The following TANC2 variants were observed in gnomAD, a reference collection of about 807,000 sequenced individuals.
TANC2 encodes the protein tetratricopeptide repeat, ankyrin repeat and coiled-coil containing 2, also known as protein TANC2.
A neutral mutation model predicts 210.5 loss-of-function variants in TANC2; 26 were observed. That is an observed-to-expected ratio of 0.12 (90% CI 0.09 to 0.17). TANC2 has a LOEUF of 0.17. Ranked by LOEUF, TANC2 falls within the 10% of genes least tolerant of loss-of-function variation. The pLI is 1.00. For missense variants in TANC2, 2,129 were observed against 2,608.9 expected, an observed-to-expected ratio of 0.82 and a Z score of 4.01; for synonymous variants, 931 against 967.1, an observed-to-expected ratio of 0.96 and a Z score of 0.69.
chr17:63,388,702 A>C, exon 16 of TANC2: 2 of 1,602,362 alleles, frequency 1.2e-6, no homozygotes, highest in Non-Finnish European at 1.7e-6. Flanking sequence ...TATAGCACAG[A>C]AGGTCTTTCC....
At chr17:63,128,986 T>C (rs1162483107) in intron 4 of TANC2, among the ~76,000 whole-genome samples, 1 of 152,140 alleles carries the variant, frequency 6.6e-6, no homozygotes, top group Non-Finnish European at 1.5e-5. Context: ...GGACGGTTTA[T>C]AGAAGTAGTT....
At chr17:63,336,809 C>A (rs552184636) in intron 11 of TANC2, among the ~76,000 whole-genome samples, 161 of 152,246 alleles carry the variant, frequency 1.1e-3, no homozygotes, top group South Asian at 3.3e-3. Context: ...CTTTGAAAGA[C>A]AAGAATTCGC....
At chr17:63,049,801 G>GTGGC (rs2035513503) in intron 2 of TANC2, among the ~76,000 whole-genome samples, 2 of 152,166 alleles carry the variant, frequency 1.3e-5, no homozygotes, top group South Asian at 4.1e-4. Flanking sequence ...AGTCATGAGG[G>GTGGC]TGGCTGGGAC....
chr17:63,065,987 C>T (rs993674846), intron 2 of TANC2, among the ~76,000 whole-genome samples: 18 of 152,254 alleles, frequency 1.2e-4, no homozygotes, highest in African/African-American at 3.9e-4. Flanking sequence ...TCATGGCTCA[C>T]TGCAGTCTTG....
chr17:63,362,005 G>C (rs768231206), intron 14 of TANC2, among the ~76,000 whole-genome samples: 13 of 152,198 alleles, frequency 8.5e-5, no homozygotes, highest in Non-Finnish European at 1.6e-4. Flanking sequence ...GGAATGGGTA[G>C]CTTCTATCTA....
Position 63,237,800 on chromosome 17 carries a change from T to C in TANC2, c.770-14T>C. 1 of 1,529,538 alleles carries C rather than the reference T, an allele frequency of 6.5e-7. No individual in the cohort carries two copies. The highest frequency in any genetic ancestry group is 8.8e-7 in the Non-Finnish European group (1 of 1,138,524). The allele number at this position is 1,529,538 out of a possible 1,614,324, so 94.7% of individuals were successfully genotyped here. A position where few individuals can be genotyped will look rare whatever the true frequency, so the allele number is the denominator to read the frequency against. ...TGTGGCTTTATTAAATTCATTTTAC[T>C]CTTTTTTTTTCAGCTACATTAACAA... On this transcript the variant is annotated splice_polypyrimidine_tract_variant and intron_variant, in intron 7 of 27. Coordinates refer to ENST00000689528, the Ensembl canonical transcript of TANC2.
chr17:63,073,865 T>C, intron 2 of TANC2, 78 bp from the exon 3 acceptor site: 1 of 1,192,972 alleles, frequency 8.4e-7, no homozygotes, highest in Non-Finnish European at 1.2e-6. Flanking sequence ...ATAGTAGTTT[T>C]AAATGTAGAT....
chr17:63,364,442 T>G (rs1232052894), intron 14 of TANC2, among the ~76,000 whole-genome samples: 1 of 152,218 alleles, frequency 6.6e-6, no homozygotes, highest in Non-Finnish European at 1.5e-5. Flanking sequence ...TGAGAACTAC[T>G]TATTCTGTCA....
chr17:63,139,165 T>A (rs1020885024), intron 4 of TANC2, among the ~76,000 whole-genome samples: 28 of 152,372 alleles, frequency 1.8e-4, no homozygotes, highest in African/African-American at 6.7e-4. Context: ...TGTTTATACT[T>A]GTTATCTCCC....
intron 4 of TANC2, chr17:63,149,768 T>C (rs942130380): frequency 6.6e-6 from 1 of 152,146 alleles, no homozygotes; most frequent in East Asian, 1.9e-4. Flanking sequence ...TTATTTGTAA[T>C]AATGATTTTT....
At chr17:63,054,700 T>G (rs2035707316) in intron 2 of TANC2, among the ~76,000 whole-genome samples, 1 of 152,166 alleles carries the variant, frequency 6.6e-6, no homozygotes, top group Non-Finnish European at 1.5e-5. Flanking sequence ...CTTTAGTTTA[T>G]GTTCCTGCTC....
chr17:63,254,449 G>C (rs2043134116), intron 8 of TANC2, among the ~76,000 whole-genome samples: 1 of 152,004 alleles, frequency 6.6e-6, no homozygotes, highest in East Asian at 1.9e-4. Flanking sequence ...TTCCTTTCCA[G>C]TTTGGATGCC....
At chr17:63,132,562 G>GT (rs1034336863) in intron 4 of TANC2, among the ~76,000 whole-genome samples, 1 of 151,988 alleles carries the variant, frequency 6.6e-6, no homozygotes, top group African/African-American at 2.4e-5. Context: ...TTTTTTCATG[G>GT]TTTACTTTCC....
At chr17:63,191,538 C>G (rs938611927) in intron 5 of TANC2, among the ~76,000 whole-genome samples, 4 of 152,054 alleles carry the variant, frequency 2.6e-5, no homozygotes, top group African/African-American at 9.7e-5. Flanking sequence ...TCATGGCTAA[C>G]TGCTACCTCG....
intron 9 of TANC2, among the ~76,000 whole-genome samples, chr17:63,277,612 T>C (rs1274208254): frequency 6.6e-6 from 1 of 151,878 alleles, no homozygotes; most frequent in Admixed American, 6.6e-5. Flanking sequence ...CAAGTTACAG[T>C]TTATTACCTT....
intron 9 of TANC2, among the ~76,000 whole-genome samples, chr17:63,273,428 T>G (rs977297082): frequency 5.3e-5 from 8 of 152,192 alleles, no homozygotes; most frequent in African/African-American, 1.7e-4. Flanking sequence ...TTGAAATAAC[T>G]CATTTATTCA....
At chr17:63,126,643 A>T (rs2038720801) in intron 4 of TANC2, among the ~76,000 whole-genome samples, 1 of 152,136 alleles carries the variant, frequency 6.6e-6, no homozygotes, top group African/African-American at 2.4e-5. Context: ...TCCTAGCCTC[A>T]GGTGATCAGC....
chr17:63,025,868 A>G (rs1160610161), intron 2 of TANC2, among the ~76,000 whole-genome samples: 1 of 151,932 alleles, frequency 6.6e-6, no homozygotes, highest in Non-Finnish European at 1.5e-5. Flanking sequence ...AAAAAATAAA[A>G]TATCAACATG....
intron 11 of TANC2, among the ~76,000 whole-genome samples, chr17:63,329,896 A>G (rs765640252): frequency 3.3e-5 from 5 of 152,216 alleles, no homozygotes; most frequent in Non-Finnish European, 7.3e-5. Flanking sequence ...CAAAAGCTAG[A>G]AACAATTAAA....
Sources: gnomAD v4.1 joint callset for allele counts (sites outside exome capture counted in the v4.1 genomes callset) on GRCh38, gnomAD v4.1.1 for gene constraint, MANE v1.5 for transcripts, NCBI Gene and HGNC (gene_info 2026-07-23, HGNC 2026-07-21) for gene names.